Variants in CTIF observed in about 807,000 individuals in gnomAD.
CTIF encodes CBP80/20-dependent translation initiation factor.
A neutral mutation model predicts 66.0 loss-of-function variants in CTIF; 21 were observed. The ratio of observed to expected loss-of-function variants is 0.32; its 90% confidence interval spans 0.23 to 0.46. The LOEUF (loss-of-function observed/expected upper bound fraction) is 0.46. CTIF is among the 20% of genes least tolerant of loss of function. The probability of loss-of-function intolerance (pLI) is 1.00; values close to 1 mark genes in which losing one functional copy is unlikely to be tolerated. For synonymous variants in CTIF, 345 were observed against 326.4 expected (o/e 1.06, Z -0.62); for missense variants, 739 against 812.7 (o/e 0.91, Z 1.10).
At chr18:48,648,158 G>A (rs1218066342) in intron 3 of CTIF, among the ~76,000 whole-genome samples, 5 of 152,180 alleles carry the variant, frequency 3.3e-5, no homozygotes, top group African/African-American at 1.2e-4. Flanking sequence ...AATTAGCTGA[G>A]AGTGGGCAGA....
At chr18:48,548,708 T>C (rs1260639723) in intron 1 of CTIF, among the ~76,000 whole-genome samples, 1 of 152,254 alleles carries the variant, frequency 6.6e-6, no homozygotes, top group East Asian at 1.9e-4. Flanking sequence ...CTCTTCTCCC[T>C]CTAAAAATGG....
chr18:48,572,978 G>A (rs2089449123), intron 1 of CTIF, among the ~76,000 whole-genome samples: 1 of 152,002 alleles, frequency 6.6e-6, no homozygotes, highest in East Asian at 1.9e-4. Flanking sequence ...GGGCAAAAGA[G>A]CAAGACCCTG....
chr18:48,856,201 A>G (rs1468038806), intron 10 of CTIF, among the ~76,000 whole-genome samples: 1 of 152,248 alleles, frequency 6.6e-6, no homozygotes, highest in African/African-American at 2.4e-5. Context: ...ACTCGGTGTC[A>G]GCACACCAGT....
At chr18:48,708,078 C>A (rs1221044121) in intron 6 of CTIF, among the ~76,000 whole-genome samples, 1 of 152,186 alleles carries the variant, frequency 6.6e-6, no homozygotes, top group Non-Finnish European at 1.5e-5. Context: ...ATATAATACT[C>A]CACTGTATAT....
intron 2 of CTIF, among the ~76,000 whole-genome samples, chr18:48,630,212 C>T (rs1265162307): frequency 6.6e-6 from 1 of 151,810 alleles, no homozygotes; most frequent in Admixed American, 6.6e-5. Flanking sequence ...ATCTCTGTTA[C>T]AGGATCACAA....
chr18:48,577,316 T>C (rs1400139758), intron 1 of CTIF, among the ~76,000 whole-genome samples: 3 of 152,178 alleles, frequency 2.0e-5, no homozygotes, highest in Non-Finnish European at 2.9e-5. Context: ...CTAAGAGATT[T>C]AATCCAGAGA....
At chr18:48,771,896 A>C (rs903113310) in intron 9 of CTIF, among the ~76,000 whole-genome samples, 1 of 152,250 alleles carries the variant, frequency 6.6e-6, no homozygotes, top group Admixed American at 6.5e-5. Context: ...CGGCCGGCCC[A>C]GACAGGGCGC....
At position 48,627,769 on chromosome 18, in the gene CTIF, TG is replaced by T. The variant is rs372527390; in HGVS notation, c.180+8031del. Among the ~76,000 whole-genome samples, 4 of 16,738 alleles carry T rather than the reference TG, an allele frequency of 2.4e-4. No homozygotes were observed. The Admixed American group carries it at 3.5e-3, about 15-fold the overall frequency. The allele number at this position is 16,738 out of a possible 152,430, so 11.0% of individuals were successfully genotyped here. The stretch of plus-strand genomic sequence containing the variant: ...GAAAGAAAAAGAAAGAAGACAGGGT[TG>T]GGGGGGAGGGTGGGGAGGAAGGAAG... On this transcript the variant is annotated intron_variant, in intron 2 of 11. Coordinates refer to ENST00000256413, the MANE Select transcript of CTIF (RefSeq NM_014772.3).
chr18:48,592,060 GC>G (rs1568055820), intron 1 of CTIF, among the ~76,000 whole-genome samples: 1 of 152,174 alleles, frequency 6.6e-6, no homozygotes, highest in African/African-American at 2.4e-5. Flanking sequence ...TCAGTGCTGT[GC>G]TTTTTCTACT....
chr18:48,778,374 C>T (rs1414623708), intron 9 of CTIF, among the ~76,000 whole-genome samples: 1 of 152,298 alleles, frequency 6.6e-6, no homozygotes, highest in South Asian at 2.1e-4. Context: ...AGGATGTGAG[C>T]AGGTCAGTCA....
At chr18:48,542,160 C>G (rs545025683) in intron 1 of CTIF, among the ~76,000 whole-genome samples, 1 of 152,234 alleles carries the variant, frequency 6.6e-6, no homozygotes, top group Non-Finnish European at 1.5e-5. Flanking sequence ...CACTAAAGAA[C>G]GGAAGTCTGC....
At chr18:48,612,578 T>C (rs2090326570) in intron 1 of CTIF, among the ~76,000 whole-genome samples, 1 of 152,142 alleles carries the variant, frequency 6.6e-6, no homozygotes, top group South Asian at 2.1e-4. Context: ...CCAGGTGACA[T>C]GGGAAGCGGC....
At position 48,547,207 on chromosome 18, in the gene CTIF, A is replaced by G. The variant is rs150432749; in HGVS notation, c.-29+7895A>G. On this transcript the variant is annotated intron_variant, in intron 1 of 11. Transcript: ENST00000256413. The stretch of plus-strand genomic sequence containing the variant: ...GGAGGCATGTGCAGGATGGCAGAGA[A>G]GGACAGTTCCATCCAAGCCTTCATC... 8.6e-3 allele frequency among the ~76,000 whole-genome samples: 1,308 copies of G among 152,322 alleles called. 10 individuals are homozygous for G. The highest frequency in any genetic ancestry group is 0.013 in the Non-Finnish European group (865 of 68,026).
At chr18:48,792,068 A>T (rs1002864134) in intron 9 of CTIF, among the ~76,000 whole-genome samples, 2 of 152,236 alleles carry the variant, frequency 1.3e-5, no homozygotes, top group African/African-American at 4.8e-5. Context: ...AAAGCAACAG[A>T]TCTGCAAATA....
intron 10 of CTIF, among the ~76,000 whole-genome samples, chr18:48,837,247 G>A (rs2068832202): frequency 6.6e-6 from 1 of 152,140 alleles, no homozygotes; most frequent in Non-Finnish European, 1.5e-5. Context: ...GCTCACGAGA[G>A]CCCCTCCCTA....
rs552395159 is a variant in CTIF, at chr18:48,862,076, T to TCAAGC, written c.*2519_*2523dup. The TCAAGC allele has an allele frequency of 9.6e-4, 145 of 151,072 alleles. 1 individual carries two copies. Among genetic ancestry groups the TCAAGC allele is most frequent in the African/African-American group, 3.2e-3 (130 of 40,722 alleles). 9.4% of individuals were successfully genotyped at this position (151,072 alleles called of 1,614,324 possible). A position where few individuals can be genotyped will look rare whatever the true frequency, so the allele number is the denominator to read the frequency against. ...TATTTTTTTTTTAAAGAAACAACAG[T>TCAAGC]CAAGCCTAAAATTTGAGACCCCGAG... On this transcript the variant is annotated 3_prime_UTR_variant, in exon 12 of 12. Transcript: ENST00000256413.
chr18:48,804,049 G>A (rs181492901), intron 9 of CTIF, among the ~76,000 whole-genome samples: 9 of 152,268 alleles, frequency 5.9e-5, no homozygotes, highest in African/African-American at 1.9e-4. Context: ...AGTCTGAGAT[G>A]GTTTCTGTCA....
intron 9 of CTIF, among the ~76,000 whole-genome samples, chr18:48,787,385 G>A (rs1314802278): frequency 6.6e-6 from 1 of 152,128 alleles, no homozygotes; most frequent in Non-Finnish European, 1.5e-5. Flanking sequence ...GAGGAAGGGA[G>A]AGAAGGAGGA....
intron 7 of CTIF, among the ~76,000 whole-genome samples, chr18:48,757,512 C>T (rs1598986227): frequency 6.6e-6 from 1 of 152,246 alleles, no homozygotes; most frequent in East Asian, 1.9e-4. Context: ...CTGGTACATG[C>T]ATAGAATATG....
Sources: allele counts gnomAD v4.1 joint callset (sites outside exome capture counted in the v4.1 genomes callset), GRCh38; gene constraint gnomAD v4.1.1; transcripts MANE v1.5; gene names NCBI Gene and HGNC (gene_info 2026-07-23, HGNC 2026-07-21).